Variants in GTF2IRD1 observed in about 807,000 individuals in gnomAD.
GTF2IRD1 encodes general transcription factor II-I repeat domain-containing protein 1.
Under a neutral mutation model 113.2 loss-of-function variants are expected in GTF2IRD1, and 26 were observed. The ratio of observed to expected loss-of-function variants is 0.23; its 90% CI spans 0.17 to 0.32. The LOEUF (loss-of-function observed/expected upper bound fraction) is 0.32, where lower values mean the gene tolerates loss of function less well. Ranked by LOEUF, GTF2IRD1 falls within the 10% of genes least tolerant of loss-of-function variation. The pLI, the probability that GTF2IRD1 is intolerant of heterozygous loss-of-function variation, is 1.00. For missense variants in GTF2IRD1, 864 were observed against 1,280.8 expected (o/e 0.67, Z 4.97); for synonymous variants, 484 against 529.1 (o/e 0.91, Z 1.17).
intron 1 of GTF2IRD1, among the ~76,000 whole-genome samples, chr7:74,460,448 T>C (rs1793288339): frequency 6.6e-6 from 1 of 151,522 alleles, no homozygotes; most frequent in Admixed American, 6.6e-5. Flanking sequence ...GGTCTTGCGA[T>C]GTTGCCCAGG....
chr7:74,561,470 G>A (rs587728947), intron 22 of GTF2IRD1, among the ~76,000 whole-genome samples: 1 of 152,172 alleles, frequency 6.6e-6, no homozygotes, highest in East Asian at 1.9e-4. Context: ...CTGGAGTAAG[G>A]ATGGCCCTGC....
chr7:74,554,970 G>T (rs1412301142), intron 17 of GTF2IRD1, among the ~76,000 whole-genome samples: 1 of 152,128 alleles, frequency 6.6e-6, no homozygotes, highest in Non-Finnish European at 1.5e-5. Flanking sequence ...GGACTGGGGG[G>T]GGTCTCACTC....
At chr7:74,493,811 T>G (rs1021746503) in intron 1 of GTF2IRD1, among the ~76,000 whole-genome samples, 1 of 152,046 alleles carries the variant, frequency 6.6e-6, no homozygotes, top group South Asian at 2.1e-4. Flanking sequence ...CTTGACCTCC[T>G]GGGCTCAGGG....
chr7:74,594,470 C>A (rs1337918907), intron 24 of GTF2IRD1, among the ~76,000 whole-genome samples: 1 of 152,178 alleles, frequency 6.6e-6, no homozygotes, highest in African/African-American at 2.4e-5. Flanking sequence ...ACAACATCCT[C>A]GCTTTATAGA....
chr7:74,514,934 A>G (rs10246566), intron 3 of GTF2IRD1, among the ~76,000 whole-genome samples: 11,020 of 151,610 alleles, frequency 0.073, 1,240 homozygotes, highest in African/African-American at 0.24. Context: ...GCAGGCGCCT[A>G]TAATCCCAGC....
chr7:74,565,506 C>CA (rs1554360403), intron 22 of GTF2IRD1, among the ~76,000 whole-genome samples: 1 of 151,784 alleles, frequency 6.6e-6, no homozygotes, highest in East Asian at 1.9e-4. Context: ...GCTTGGGCAA[C>CA]AGAGCACAAC....
intron 14 of GTF2IRD1, among the ~76,000 whole-genome samples, chr7:74,541,976 G>A (rs1304297601): frequency 1.3e-5 from 2 of 151,498 alleles, no homozygotes; most frequent in African/African-American, 4.8e-5. Context: ...CCTATGTGTA[G>A]TCCCATCTAC....
chr7:74,530,226 G>C (rs1441202130), intron 9 of GTF2IRD1, among the ~76,000 whole-genome samples: 2 of 152,074 alleles, frequency 1.3e-5, no homozygotes, highest in African/African-American at 4.8e-5. Flanking sequence ...GAGAGGTGCG[G>C]GTGGGCGTAG....
At position 74,475,219 on chromosome 7, in the gene GTF2IRD1, C is replaced by T. The variant is rs539105932; in HGVS notation, c.-7+21043C>T. On this transcript the variant is annotated intron_variant, in intron 1 of 26. Coordinates refer to ENST00000424337, the MANE Select transcript of GTF2IRD1 (RefSeq NM_005685.4). ...GCAGTGAGCTATGATCACGCCATTG[C>T]GATCATAGGCTGGGTGACAGAGCAA... 4.6e-5 allele frequency among the ~76,000 whole-genome samples: 7 copies of T among 152,142 alleles called. No homozygotes were observed. In the South Asian group the frequency reaches 1.5e-3, roughly 32 times the overall value.
intron 7 of GTF2IRD1, among the ~76,000 whole-genome samples, chr7:74,523,011 A>G (rs1422721628): frequency 6.6e-6 from 1 of 152,214 alleles, no homozygotes; most frequent in East Asian, 1.9e-4. Flanking sequence ...GCCAGTGCTG[A>G]GTGAGACCTC....
At chr7:74,520,940 A>G (rs1403847186) in intron 6 of GTF2IRD1, among the ~76,000 whole-genome samples, 5 of 151,110 alleles carry the variant, frequency 3.3e-5, no homozygotes, top group African/African-American at 1.2e-4. Context: ...GAACTTATAC[A>G]TGTAAAACAA....
chr7:74,497,631 A>G (rs1475957224), intron 1 of GTF2IRD1, among the ~76,000 whole-genome samples: 1 of 152,142 alleles, frequency 6.6e-6, no homozygotes, highest in African/African-American at 2.4e-5. Flanking sequence ...CATCCCTACC[A>G]GCAGCACACA....
At chr7:74,466,728 A>C (rs1554330912) in intron 1 of GTF2IRD1, among the ~76,000 whole-genome samples, 2 of 151,998 alleles carry the variant, frequency 1.3e-5, no homozygotes, top group Admixed American at 6.6e-5. Flanking sequence ...AGCCCGCATC[A>C]CAAACAAGAC....
chr7:74,584,760 TA>T (rs1451335896), intron 22 of GTF2IRD1, among the ~76,000 whole-genome samples: 1 of 152,136 alleles, frequency 6.6e-6, no homozygotes, highest in Non-Finnish European at 1.5e-5. Context: ...TTTGGCATAG[TA>T]AGTTTGGGGT....
intron 1 of GTF2IRD1, among the ~76,000 whole-genome samples, chr7:74,497,242 G>T (rs1475632791): frequency 7.2e-5 from 11 of 152,120 alleles, no homozygotes; most frequent in Non-Finnish European, 1.5e-4. Flanking sequence ...CCAAATCATT[G>T]AAAACAGGTT....
intron 25 of GTF2IRD1, among the ~76,000 whole-genome samples, chr7:74,598,752 T>G (rs1802570748): frequency 6.6e-6 from 1 of 152,120 alleles, no homozygotes; most frequent in Non-Finnish European, 1.5e-5. Flanking sequence ...TCTCTCATGG[T>G]GATTCAAGGA....
chr7:74,496,282 G>A (rs1424834220), intron 1 of GTF2IRD1, among the ~76,000 whole-genome samples: 5 of 150,254 alleles, frequency 3.3e-5, no homozygotes, highest in African/African-American at 1.2e-4. Flanking sequence ...GTGGGTATGC[G>A]TGTGTATGTG....
intron 1 of GTF2IRD1, among the ~76,000 whole-genome samples, chr7:74,458,326 C>G (rs1793126439): frequency 6.6e-6 from 1 of 152,054 alleles, no homozygotes; most frequent in Non-Finnish European, 1.5e-5. Flanking sequence ...ATGCGTGAAC[C>G]TGGCCAGAAG....
At chr7:74,460,841 C>T (rs1433399748) in intron 1 of GTF2IRD1, among the ~76,000 whole-genome samples, 1 of 152,166 alleles carries the variant, frequency 6.6e-6, no homozygotes, top group African/African-American at 2.4e-5. Flanking sequence ...GCTGGGAGAC[C>T]CCGCCACGGG....
Sources: gnomAD v4.1 joint callset for allele counts (sites outside exome capture counted in the v4.1 genomes callset) on GRCh38, gnomAD v4.1.1 for gene constraint, MANE v1.5 for transcripts, NCBI Gene and HGNC (gene_info 2026-07-23, HGNC 2026-07-21) for gene names.